ENAH: variants seen among roughly 807,000 people sequenced by gnomAD.
ENAH encodes the protein protein enabled homolog.
ENAH carries 23 observed loss-of-function variants against 78.7 expected under a neutral mutation model. The observed-to-expected ratio is 0.29, with a 90% CI of 0.21 to 0.41. The LOEUF is 0.41. Ranked by LOEUF, ENAH falls within the 10% of genes least tolerant of loss-of-function variation. The probability of loss-of-function intolerance (pLI) is 1.00; values close to 1 mark genes in which losing one functional copy is unlikely to be tolerated. For missense variants in ENAH, 544 were observed against 691.0 expected (o/e 0.79, Z 2.39); for synonymous variants, 226 against 241.0 (o/e 0.94, Z 0.58).
At chr1:225,549,667 A>G (rs1021070130) in intron 3 of ENAH, among the ~76,000 whole-genome samples, 1 of 152,230 alleles carries the variant, frequency 6.6e-6, no homozygotes, top group Non-Finnish European at 1.5e-5. Flanking sequence ...TGTATACGCC[A>G]GATTAAGACC....
chr1:225,527,766 C>A (rs1256293061), intron 4 of ENAH, among the ~76,000 whole-genome samples: 6 of 152,162 alleles, frequency 3.9e-5, no homozygotes, highest in Non-Finnish European at 2.9e-5. Context: ...CCTACTCTTT[C>A]TTCCTGGAAT....
intron 1 of ENAH, among the ~76,000 whole-genome samples, chr1:225,613,051 T>C (rs1048158228): frequency 6.6e-6 from 1 of 152,224 alleles, no homozygotes; most frequent in African/African-American, 2.4e-5. Context: ...AAAGACTCAG[T>C]ATGTGTCCTA....
intron 3 of ENAH, among the ~76,000 whole-genome samples, chr1:225,543,619 T>C (rs1286626950): frequency 2.6e-5 from 4 of 152,182 alleles, no homozygotes; most frequent in African/African-American, 7.2e-5. Flanking sequence ...CCATGACTTA[T>C]ACTATCTACA....
chr1:225,496,441 TC>T lies in ENAH; in HGVS notation c.*1333del, dbSNP rs1332941621. 7.9e-5 allele frequency: 12 copies of T among 152,420 alleles called. No individual in the cohort carries two copies. In the South Asian group the frequency reaches 1.7e-3, roughly 21 times the overall value. 9.4% of individuals were successfully genotyped at this position (152,420 alleles called of 1,614,324 possible). On this transcript the variant is annotated 3_prime_UTR_variant, in exon 14 of 14. Transcript: ENST00000366843. ...ATTTCTGTGACCTTAATTGCTGCCA[TC>T]ATTGTTATTTCTTGCATTTCAACAT...
At chr1:225,580,437 T>C (rs961296472) in intron 1 of ENAH, among the ~76,000 whole-genome samples, 3 of 152,090 alleles carry the variant, frequency 2.0e-5, no homozygotes, top group Non-Finnish European at 4.4e-5. Context: ...CTGGCCAACA[T>C]TTTGACTGCA....
intron 1 of ENAH, among the ~76,000 whole-genome samples, chr1:225,580,888 G>A (rs1050394318): frequency 6.0e-5 from 8 of 133,520 alleles, no homozygotes; most frequent in African/African-American, 2.0e-4. Flanking sequence ...GCAACAGGGC[G>A]AGACTCTGTC....
chr1:225,612,408 C>T (rs931430266), intron 1 of ENAH, among the ~76,000 whole-genome samples: 1 of 152,166 alleles, frequency 6.6e-6, no homozygotes, highest in Admixed American at 6.5e-5. Context: ...AGATTCATGG[C>T]TGCCAGGGGT....
intron 12 of ENAH, among the ~76,000 whole-genome samples, chr1:225,498,787 G>T (rs2096264355): frequency 6.6e-6 from 1 of 152,206 alleles, no homozygotes; most frequent in Non-Finnish European, 1.5e-5. Flanking sequence ...ACAGTAAACT[G>T]AAAAACTGGC....
chr1:225,637,382 A>G (rs1660253932), intron 1 of ENAH, among the ~76,000 whole-genome samples: 1 of 152,120 alleles, frequency 6.6e-6, no homozygotes, highest in East Asian at 1.9e-4. Context: ...TAATTTTTGT[A>G]TTTTTAGTAG....
chr1:225,537,376 T>C (rs2096566936), intron 3 of ENAH, among the ~76,000 whole-genome samples: 1 of 152,224 alleles, frequency 6.6e-6, no homozygotes, highest in African/African-American at 2.4e-5. Flanking sequence ...TTTAAGCATC[T>C]TCTTTCCACT....
chr1:225,506,513 TCAG>T (rs2096331193), intron 11 of ENAH, among the ~76,000 whole-genome samples: 1 of 152,110 alleles, frequency 6.6e-6, no homozygotes, highest in Non-Finnish European at 1.5e-5. Context: ...GCTTAATAAA[TCAG>T]CACTTCATAA....
intron 2 of ENAH, among the ~76,000 whole-genome samples, chr1:225,558,443 A>C (rs1018305991): frequency 2.0e-5 from 3 of 152,112 alleles, no homozygotes; most frequent in South Asian, 2.1e-4. Context: ...TTTCAAAATT[A>C]CTAAAATAAA....
intron 1 of ENAH, among the ~76,000 whole-genome samples, chr1:225,631,811 T>G (rs1659132009): frequency 6.6e-6 from 1 of 152,172 alleles, no homozygotes; most frequent in Admixed American, 6.5e-5. Context: ...TTGTTTTGTT[T>G]TGTTTTTTTA....
chr1:225,552,134 C>CTTTTTTTTTTTTTTTTTTTTT (rs397983036), intron 3 of ENAH, among the ~76,000 whole-genome samples: 1 of 115,966 alleles, frequency 8.6e-6, no homozygotes, highest in Admixed American at 1.0e-4. Context: ...ACTCCTGATT[C>CTTTTTTTTTTTTTTTTTTTTT]TTTTTTTTTT....
intron 3 of ENAH, among the ~76,000 whole-genome samples, chr1:225,540,064 T>G (rs2096582046): frequency 6.6e-6 from 1 of 152,232 alleles, no homozygotes; most frequent in Non-Finnish European, 1.5e-5. Context: ...ATGAGAAATC[T>G]GTCTAAAGAC....
At chr1:225,630,751 T>G (rs1658864838) in intron 1 of ENAH, among the ~76,000 whole-genome samples, 2 of 152,198 alleles carry the variant, frequency 1.3e-5, no homozygotes, top group African/African-American at 4.8e-5. Flanking sequence ...TAAAAGGGTT[T>G]TTTGGGTTCA....
At chr1:225,510,199 GAC>G (rs1438214091) in intron 10 of ENAH, among the ~76,000 whole-genome samples, 1 of 152,042 alleles carries the variant, frequency 6.6e-6, no homozygotes, top group Non-Finnish European at 1.5e-5. Flanking sequence ...TTATATATAT[GAC>G]ACACACACAA....
intron 3 of ENAH, among the ~76,000 whole-genome samples, chr1:225,535,185 A>G (rs2151289054): frequency 6.6e-6 from 1 of 152,254 alleles, no homozygotes; most frequent in African/African-American, 2.4e-5. Context: ...TTCTAAATCA[A>G]AAATTTGCTC....
chr1:225,559,515 G>A (rs2096688507), intron 2 of ENAH, among the ~76,000 whole-genome samples: 1 of 152,104 alleles, frequency 6.6e-6, no homozygotes, highest in Non-Finnish European at 1.5e-5. Flanking sequence ...CTCCTGCTGT[G>A]ACTCATAAAT....
Sources: allele counts gnomAD v4.1 joint callset (sites outside exome capture counted in the v4.1 genomes callset), GRCh38; gene constraint gnomAD v4.1.1; transcripts MANE v1.5; gene names NCBI Gene and HGNC (gene_info 2026-07-23, HGNC 2026-07-21).